Variants in CLVS1 observed in about 807,000 individuals in gnomAD.
CLVS1 encodes the protein clavesin-1.
In CLVS1, 10 loss-of-function variants were observed where a neutral mutation model predicts 33.1. That is an observed-to-expected ratio of 0.30 (90% CI 0.19 to 0.51). The LOEUF (loss-of-function observed/expected upper bound fraction) is 0.51. CLVS1 is among the 20% of genes least tolerant of loss of function. The pLI is 0.97. For synonymous variants in CLVS1, 163 were observed against 166.1 expected (o/e 0.98, Z 0.14); for missense variants, 343 against 433.4 (o/e 0.79, Z 1.85).
At chr8:61,178,838 GA>G (rs1184010462) in intron 2 of CLVS1, among the ~76,000 whole-genome samples, 19 of 152,128 alleles carry the variant, frequency 1.2e-4, no homozygotes, top group Middle Eastern at 3.4e-3. Context: ...AAGAGCTCCT[GA>G]AAAAAATCAC....
the CLVS1 span, among the ~76,000 whole-genome samples, chr8:61,024,625 A>AG: frequency 1.3e-5 from 2 of 152,128 alleles, no homozygotes; most frequent in South Asian, 4.2e-4. Context: ...CTCTCCCCCC[A>AG]GTCAAGTGTT....
chr8:61,240,628 A>G (rs1808678445), intron 2 of CLVS1, among the ~76,000 whole-genome samples: 1 of 152,190 alleles, frequency 6.6e-6, no homozygotes, highest in Non-Finnish European at 1.5e-5. Context: ...TTAATTGGCT[A>G]CTTTGCTAGT....
intron 2 of CLVS1, among the ~76,000 whole-genome samples, chr8:61,226,665 T>A (rs1808336718): frequency 6.6e-6 from 1 of 152,224 alleles, no homozygotes; most frequent in Non-Finnish European, 1.5e-5. Flanking sequence ...TGAAGAATAA[T>A]CTTGGAATCT....
chr8:61,164,601 G>C lies in CLVS1; in HGVS notation c.-152+32741G>C, dbSNP rs1371022986. Among the ~76,000 whole-genome samples, 4 of 152,016 alleles carry C rather than the reference G, an allele frequency of 2.6e-5. No individual in the cohort carries two copies. The East Asian group carries it at 5.8e-4, about 22-fold the overall frequency. On this transcript the variant is annotated intron_variant, in intron 2 of 2. Coordinates refer to the CLVS1 transcript ENST00000522621. ...TAGAGTGGGAGGGCAAGTCCCCCCC[G>C]CCCAGGCTACATGAATGACATGCCT... is the stretch of plus-strand genomic sequence containing the variant.
chr8:61,485,420 G>C (rs1803840422), intron 5 of CLVS1, among the ~76,000 whole-genome samples: 1 of 152,294 alleles, frequency 6.6e-6, no homozygotes, highest in South Asian at 2.1e-4. Flanking sequence ...AGTTAGAATG[G>C]CGATCATTAA....
chr8:61,377,504 T>C (rs540050325), intron 3 of CLVS1: 2 of 152,372 alleles, frequency 1.3e-5, no homozygotes, highest in South Asian at 4.1e-4. Context: ...TTCTGTCCCT[T>C]CTTAATTTCA....
At chr8:61,439,324 A>G (rs1346079959) in intron 3 of CLVS1, among the ~76,000 whole-genome samples, 1 of 152,236 alleles carries the variant, frequency 6.6e-6, no homozygotes, top group Middle Eastern at 3.2e-3. Context: ...TGTACTAACC[A>G]TAATGTATTT....
the CLVS1 span, among the ~76,000 whole-genome samples, chr8:61,013,553 G>C: frequency 6.6e-6 from 1 of 152,198 alleles, no homozygotes; most frequent in Non-Finnish European, 1.5e-5. Context: ...TTCAAACCCT[G>C]ATTTTTGAGT....
chr8:61,262,995 A>G (rs2931286), intron 2 of CLVS1, among the ~76,000 whole-genome samples: 104,491 of 152,142 alleles, frequency 0.69, 38,284 homozygotes, highest in East Asian at 0.97. Context: ...GCTGTGCCAC[A>G]TTGTCTCAGG....
intron 2 of CLVS1, among the ~76,000 whole-genome samples, chr8:61,174,586 A>C (rs1807076514): frequency 6.6e-6 from 1 of 152,230 alleles, no homozygotes; most frequent in Non-Finnish European, 1.5e-5. Context: ...ATTGTTCCCC[A>C]ACCAGTATTT....
intron 2 of CLVS1, among the ~76,000 whole-genome samples, chr8:61,276,724 T>C (rs779368182): frequency 2.0e-5 from 3 of 152,246 alleles, no homozygotes; most frequent in African/African-American, 7.2e-5. Context: ...AATAAAATGA[T>C]ACAAGATAAT....
rs79987463 is a variant in CLVS1, at chr8:61,424,830, T to C, written c.631-29311T>C. Among the ~76,000 whole-genome samples the C allele has an allele frequency of 5.1e-3, 774 of 152,308 alleles. 19 individuals carry two copies. The East Asian group carries it at 0.062, about 12-fold the overall frequency. ...ACAAAAAGGAAATGTACACAGAAGA[T>C]TATAATAATGAATCTTGAAGATTAC... On this transcript the variant is annotated intron_variant, in intron 3 of 5. Transcript: ENST00000325897.
intron 3 of CLVS1, among the ~76,000 whole-genome samples, chr8:61,385,944 T>A (rs189626389): frequency 3.9e-4 from 59 of 152,296 alleles, no homozygotes; most frequent in Non-Finnish European, 1.2e-4. Flanking sequence ...AATTAGAAAC[T>A]TAAGGAGGTA....
intron 2 of CLVS1, among the ~76,000 whole-genome samples, chr8:61,279,074 C>T (rs16927133): frequency 0.11 from 17,493 of 152,192 alleles, 1,922 homozygotes; most frequent in East Asian, 0.58. Flanking sequence ...GTGTGGGAGC[C>T]GGGGCCTCGC....
chr8:61,194,932 T>C lies in CLVS1; in HGVS notation c.-152+63072T>C, dbSNP rs551357980. On this transcript the variant is annotated intron_variant, in intron 2 of 2. Coordinates refer to the CLVS1 transcript ENST00000522621. ...TAGCAAATTGAAAATTAGAAAATTC[T>C]TATATGTTTTGAAATTTTAAAATAC... Among the ~76,000 whole-genome samples the C allele has an allele frequency of 2.0e-5, 3 of 151,332 alleles. No individual in the cohort carries two copies. The South Asian group carries it at 6.2e-4, about 31-fold the overall frequency.
At chr8:61,233,381 G>A (rs1194859122) in intron 2 of CLVS1, among the ~76,000 whole-genome samples, 1 of 151,804 alleles carries the variant, frequency 6.6e-6, no homozygotes, top group African/African-American at 2.4e-5. Flanking sequence ...ATGGATTTAT[G>A]TTTCTCTTCA....
intron 2 of CLVS1, among the ~76,000 whole-genome samples, chr8:61,188,634 C>T (rs951665041): frequency 6.6e-6 from 1 of 151,806 alleles, no homozygotes. Context: ...AAAATTAGAA[C>T]CTTTATAACA....
rs923369271 is a variant in CLVS1 at position 61,479,810 on chromosome 8, C to A, written c.978-19645C>A. ...TAGTTTTCCTTCTAACAGTCAGGAC[C>A]CTCAGCTGCAGGTCTGTTGGAGTTT... On this transcript the variant is annotated intron_variant, in intron 5 of 5. Transcript: ENST00000325897. Among the ~76,000 whole-genome samples, 4 of 152,234 alleles carry A rather than the reference C, an allele frequency of 2.6e-5. No homozygotes were observed. In the South Asian group the frequency reaches 8.3e-4, roughly 32 times the overall value.
intron 4 of CLVS1, among the ~76,000 whole-genome samples, chr8:61,455,930 A>C (rs1383526277): frequency 6.6e-6 from 1 of 152,228 alleles, no homozygotes; most frequent in Non-Finnish European, 1.5e-5. Flanking sequence ...TTCTCAAACA[A>C]GTTTGAAACC....
Sources: gnomAD v4.1 joint callset for allele counts (sites outside exome capture counted in the v4.1 genomes callset) on GRCh38, gnomAD v4.1.1 for gene constraint, MANE v1.5 for transcripts, NCBI Gene and HGNC (gene_info 2026-07-23, HGNC 2026-07-21) for gene names.